The following RSPO2 variants were observed in gnomAD, a reference collection of about 807,000 sequenced individuals.
RSPO2 encodes R-spondin 2.
A neutral mutation model predicts 30.9 loss-of-function variants in RSPO2; 14 were observed. That is an observed-to-expected ratio of 0.45 (90% confidence interval 0.30 to 0.71). RSPO2 has a LOEUF of 0.71. RSPO2 is among the 30% of genes least tolerant of loss of function. RSPO2 has a pLI of 0.08. For missense variants in RSPO2, 264 were observed against 301.9 expected (o/e 0.87, Z 0.93); for synonymous variants, 107 against 96.4 (o/e 1.11, Z -0.64).
intron 5 of RSPO2, among the ~76,000 whole-genome samples, chr8:107,933,179 T>C (rs188621332): frequency 1.3e-3 from 197 of 152,268 alleles, no homozygotes; most frequent in Admixed American, 3.1e-3. Context: ...TATACATAGG[T>C]ACACCTCTCC....
At chr8:107,901,359 T>A (rs1811457945) in intron 5 of RSPO2, among the ~76,000 whole-genome samples, 169 bp from the exon 6 acceptor site, 1 of 151,842 alleles carries the variant, frequency 6.6e-6, no homozygotes, top group Non-Finnish European at 1.5e-5. Context: ...TAATAATAAT[T>A]TACTAAATTA....
At chr8:108,003,435 C>T (rs1358129813) in intron 2 of RSPO2, among the ~76,000 whole-genome samples, 1 of 149,780 alleles carries the variant, frequency 6.7e-6, no homozygotes, top group Non-Finnish European at 1.5e-5. Flanking sequence ...CCTCAGCCTC[C>T]CAAAGTGCTG....
At chr8:107,960,393 T>C (rs1813587160) in intron 4 of RSPO2, among the ~76,000 whole-genome samples, 1 of 152,070 alleles carries the variant, frequency 6.6e-6, no homozygotes. Flanking sequence ...TTACTAATAA[T>C]CTATTAAGAA....
intron 5 of RSPO2, among the ~76,000 whole-genome samples, chr8:107,922,015 G>T (rs1812190261): frequency 6.6e-6 from 1 of 152,120 alleles, no homozygotes; most frequent in African/African-American, 2.4e-5. Context: ...GCAAAAGCTG[G>T]AAGCATTCCC....
intron 2 of RSPO2, among the ~76,000 whole-genome samples, chr8:108,026,797 CAG>C: frequency 6.6e-6 from 1 of 151,986 alleles, no homozygotes; most frequent in Admixed American, 6.6e-5. Flanking sequence ...ACCCGGGAGA[CAG>C]AGGTTGCAGT....
chr8:108,019,359 A>T (rs1366194038), intron 2 of RSPO2, among the ~76,000 whole-genome samples: 1 of 152,208 alleles, frequency 6.6e-6, no homozygotes, highest in East Asian at 1.9e-4. Context: ...AACTCAAAAA[A>T]ATAATAATAA....
rs575528491 is a variant in RSPO2 at position 108,025,320 on chromosome 8, T to A, written c.95-36076A>T. Among the ~76,000 whole-genome samples the A allele has an allele frequency of 3.9e-5, 6 of 152,254 alleles. No individual in the cohort carries two copies. The South Asian group carries it at 8.3e-4, about 21-fold the overall frequency. Reference sequence around the variant, plus strand: ...AATGTAAAAATCCACCTAAAACACATTGTGCCAGAGAGAACCGAAGTGTTC... The same window carrying A: ...AATGTAAAAATCCACCTAAAACACAATGTGCCAGAGAGAACCGAAGTGTTC... On this transcript the variant is annotated intron_variant, in intron 2 of 5. Transcript: ENST00000276659.
intron 2 of RSPO2, among the ~76,000 whole-genome samples, chr8:108,064,802 A>G (rs2130712217): frequency 6.6e-6 from 1 of 152,360 alleles, no homozygotes; most frequent in East Asian, 1.9e-4. Context: ...GACTGGATTA[A>G]GAAAATGTGG....
At chr8:107,927,081 G>C (rs1812401710) in intron 5 of RSPO2, among the ~76,000 whole-genome samples, 1 of 151,886 alleles carries the variant, frequency 6.6e-6, no homozygotes, top group African/African-American at 2.4e-5. Context: ...TTGAGCAGTG[G>C]TTTATAGTTC....
chr8:108,082,011 C>A, intron 2 of RSPO2: 1 of 689,892 alleles, frequency 1.4e-6, no homozygotes, highest in East Asian at 1.4e-4. Context: ...GACTTGGTAC[C>A]CCTCCCAAGC....
intron 2 of RSPO2, among the ~76,000 whole-genome samples, chr8:108,034,874 A>G (rs1811542223): frequency 6.6e-6 from 1 of 152,192 alleles, no homozygotes; most frequent in Non-Finnish European, 1.5e-5. Context: ...GACCAGTCGC[A>G]CTCCTACACA....
chr8:108,033,333 T>C (rs1047905578), intron 2 of RSPO2, among the ~76,000 whole-genome samples: 3 of 152,202 alleles, frequency 2.0e-5, no homozygotes, highest in Non-Finnish European at 2.9e-5. Flanking sequence ...TGGTGCCCAA[T>C]GCCATGACCC....
intron 2 of RSPO2, among the ~76,000 whole-genome samples, chr8:108,042,772 A>G (rs75052634): frequency 2.6e-5 from 4 of 152,042 alleles, no homozygotes; most frequent in Non-Finnish European, 5.9e-5. Context: ...TGAAGGATGC[A>G]TGAAACTGGC....
chr8:107,995,453 T>C (rs1273488476), intron 2 of RSPO2, among the ~76,000 whole-genome samples: 1 of 152,160 alleles, frequency 6.6e-6, no homozygotes, highest in Non-Finnish European at 1.5e-5. Context: ...TCATAACTTG[T>C]TCAATTTCAG....
intron 5 of RSPO2, among the ~76,000 whole-genome samples, chr8:107,910,206 G>A (rs1811779099): frequency 6.6e-6 from 1 of 152,116 alleles, no homozygotes; most frequent in Admixed American, 6.5e-5. Flanking sequence ...CTTCCTCTTG[G>A]TCTTAAATCA....
At chr8:108,035,852 G>C (rs887037930) in intron 2 of RSPO2, among the ~76,000 whole-genome samples, 3 of 152,096 alleles carry the variant, frequency 2.0e-5, no homozygotes, top group African/African-American at 7.2e-5. Flanking sequence ...CTGGGCTCTT[G>C]AGTCACCAAA....
At chr8:107,975,915 T>C (rs976148225) in intron 3 of RSPO2, among the ~76,000 whole-genome samples, 8 of 152,164 alleles carry the variant, frequency 5.3e-5, no homozygotes, top group African/African-American at 1.9e-4. Flanking sequence ...TATCCAGCTG[T>C]CTTCTAATAA....
At chr8:108,005,749 C>G (rs116330704) in intron 2 of RSPO2, among the ~76,000 whole-genome samples, 1,555 of 152,194 alleles carry the variant, frequency 0.01, 28 homozygotes, top group African/African-American at 0.035. Context: ...CCTGGAAGAG[C>G]TAAGAAATAG....
intron 2 of RSPO2, among the ~76,000 whole-genome samples, chr8:108,010,072 A>T (rs1403367099): frequency 6.6e-6 from 1 of 150,794 alleles, no homozygotes; most frequent in African/African-American, 2.4e-5. Flanking sequence ...AAAAAAAAAA[A>T]TTAAGAATTA....
Sources: gnomAD v4.1 joint callset for allele counts (sites outside exome capture counted in the v4.1 genomes callset) on GRCh38, gnomAD v4.1.1 for gene constraint, MANE v1.5 for transcripts, NCBI Gene and HGNC (gene_info 2026-07-23, HGNC 2026-07-21) for gene names.